NEB: variants seen among roughly 807,000 people sequenced by gnomAD.
NEB encodes nebulin, also known as nemaline myopathy type 2.
A neutral mutation model predicts 952.2 loss-of-function variants in NEB; 512 were observed. The observed-to-expected ratio is 0.54, with a 90% confidence interval of 0.50 to 0.58. NEB has a LOEUF of 0.58. Ranked by LOEUF, NEB falls within the 20% of genes least tolerant of loss-of-function variation. The pLI is 0.00. For synonymous variants in NEB, 2,900 were observed against 3,149.8 expected (o/e 0.92, Z 2.66); for missense variants, 8,428 against 9,231.1 (o/e 0.91, Z 3.56).
Position 151,575,692 on chromosome 2 carries a change from T to TA in NEB, c.17013+2dup. The TA allele has an allele frequency of 6.4e-7, 1 of 1,564,218 alleles. No homozygotes were observed. Among genetic ancestry groups the TA allele is most frequent in the Non-Finnish European group, 8.8e-7 (1 of 1,134,676 alleles). On this transcript the variant is annotated splice_region_variant and intron_variant, in intron 107 of 181. Coordinates refer to ENST00000397345, the MANE Select transcript of NEB (RefSeq NM_001164508.2). ...CAAAAAGAGAGTCTGTTGTAGTACT[T>TA]ACATTGCTCACATTAAGAGCATTTG...
At chr2:151,726,448 G>C (rs1257403596) in intron 5 of NEB, among the ~76,000 whole-genome samples, 1 of 152,132 alleles carries the variant, frequency 6.6e-6, no homozygotes, top group Non-Finnish European at 1.5e-5. Flanking sequence ...AACCTCAATA[G>C]GATGCTTTTG....
At position 151,609,906 on chromosome 2, in the gene NEB, G is replaced by A; in HGVS notation, c.12233C>T (p.Thr4078Ile). The change falls in exon 81 of 182, where the codon ACT (threonine) becomes ATT (isoleucine). Residue 4078 changes from threonine (T) to isoleucine (I), a missense_variant. Coordinates refer to ENST00000397345, the MANE Select transcript of NEB (RefSeq NM_001164508.2). ...LLAKKCQTLV[T>I]DIDYRNYLHE... The stretch of plus-strand genomic sequence containing the variant: ...CAGGTAATTGCGATAATCAATGTCA[G>A]TGACCAAAGTCTGACATTTCTTGGC... 6.2e-7 allele frequency: 1 copy of A among 1,613,886 alleles called. No individual in the cohort carries two copies. The highest frequency in any genetic ancestry group is 1.3e-5 in the African/African-American group (1 of 75,036).
chr2:151,551,599 T>C (rs2095344330), intron 129 of NEB, 139 bp downstream of exon 129: 1 of 665,728 alleles, frequency 1.5e-6, no homozygotes, highest in African/African-American at 1.9e-5. Context: ...GATTATGCTC[T>C]GTGTTTTTGT....
chr2:151,690,674 A>C (rs767806979), intron 24 of NEB, 53 bp downstream of exon 24: 2 of 1,290,634 alleles, frequency 1.5e-6, no homozygotes, highest in South Asian at 2.5e-5. Flanking sequence ...CTTACATTTT[A>C]AATGAGCAAA....
intron 65 of NEB, among the ~76,000 whole-genome samples, chr2:151,633,363 G>A (rs1016683603): frequency 1.4e-5 from 2 of 145,468 alleles, no homozygotes; most frequent in South Asian, 2.1e-4. Context: ...AAGTAAAAAC[G>A]TTTCTTCCTT....
intron 107 of NEB, among the ~76,000 whole-genome samples, chr2:151,572,318 T>A (rs374918522): frequency 5.9e-5 from 9 of 151,984 alleles, no homozygotes; most frequent in African/African-American, 2.2e-4. Flanking sequence ...CAAGACTCCC[T>A]CTCAAAAAAT....
chr2:151,490,948 C>G (rs1336025782), intron 179 of NEB, among the ~76,000 whole-genome samples: 4 of 152,164 alleles, frequency 2.6e-5, no homozygotes, highest in African/African-American at 7.2e-5. Context: ...TAAAATTGCA[C>G]ATGTCAGAAT....
At chr2:151,572,075 A>G (rs1346260211) in intron 107 of NEB, among the ~76,000 whole-genome samples, 1 of 152,246 alleles carries the variant, frequency 6.6e-6, no homozygotes, top group African/African-American at 2.4e-5. Context: ...TAATCCCAGC[A>G]CTTTGGGAGG....
chr2:151,569,307 G>C lies in NEB; in HGVS notation c.17496C>G (p.Ser5832=). Residue 5832 remains serine, a synonymous_variant, in exon 110 of 182, where the codon TCC becomes TCG. Coordinates refer to ENST00000397345, the MANE Select transcript of NEB (RefSeq NM_001164508.2). ...GIGWMPNDSV[S]VNHAKHAADI... is the part of the protein sequence containing the mutation. ...CCGCGGCATGTTTGGCATGATTGAC[G>C]GACACGGAGTCATTTGGCATCCACC... 6.2e-7 allele frequency: 1 copy of C among 1,613,842 alleles called. No homozygotes were observed. Among genetic ancestry groups the C allele is most frequent in the Non-Finnish European group, 8.5e-7 (1 of 1,179,814 alleles).
intron 142 of NEB, chr2:151,534,108 A>G (rs2092539148): frequency 8.4e-6 from 7 of 832,268 alleles, no homozygotes; most frequent in Middle Eastern, 3.3e-4. Context: ...GAACAACCCA[A>G]TATCATAGGC....
Position 151,493,349 on chromosome 2 carries a change from A to AT in NEB, c.24765+3dup. 1 of 1,601,882 alleles carries AT rather than the reference A, an allele frequency of 6.2e-7. No individual in the cohort carries two copies. The highest frequency in any genetic ancestry group is 8.6e-7 in the Non-Finnish European group (1 of 1,169,508). ...CACTATTTCTTTTTAGTCCTAGAAA[A>AT]TACCGAGCTAATGTTTTCTTGGTTG... is the stretch of plus-strand genomic sequence containing the variant. On this transcript the variant is annotated splice_donor_region_variant and intron_variant, in intron 176 of 181. Transcript: ENST00000397345.
At position 151,656,390 on chromosome 2, in the gene NEB, T is replaced by C; in HGVS notation, c.6258A>G (p.Lys2086=). Residue 2086 remains lysine, a synonymous_variant, in exon 49 of 182, where the codon AAA becomes AAG. Coordinates refer to ENST00000397345, the MANE Select transcript of NEB (RefSeq NM_001164508.2). Reference sequence around the variant, plus strand: ...TAGCCACTTGCATGGAATGGACTAATTTGGGATCATCCTCGAGACTGCGGA... The same window carrying C: ...TAGCCACTTGCATGGAATGGACTAACTTGGGATCATCCTCGAGACTGCGGA... ...VGFRSLEDDP[K]LVHSMQVAKM... 1 of 1,613,704 alleles carries C rather than the reference T, an allele frequency of 6.2e-7. No individual in the cohort carries two copies. Among genetic ancestry groups the C allele is most frequent in the East Asian group, 2.2e-5 (1 of 44,882 alleles).
At chr2:151,649,152 T>G (rs2098999967) in intron 54 of NEB, among the ~76,000 whole-genome samples, 2 of 152,252 alleles carry the variant, frequency 1.3e-5, no homozygotes, top group African/African-American at 4.8e-5. Context: ...ATTTGTTGTT[T>G]TCTCATTTTG....
At chr2:151,695,165 A>G (rs1269863690) in intron 18 of NEB, among the ~76,000 whole-genome samples, 2 of 152,298 alleles carry the variant, frequency 1.3e-5, no homozygotes, top group African/African-American at 2.4e-5. Flanking sequence ...AATCCCCTAT[A>G]TCTTTATTCA....
At chr2:151,721,741 G>A (rs2099774753) in intron 9 of NEB, among the ~76,000 whole-genome samples, 1 of 152,084 alleles carries the variant, frequency 6.6e-6, no homozygotes, top group Admixed American at 6.6e-5. Context: ...AATAACTATT[G>A]ATCACTTGGT....
intron 54 of NEB, among the ~76,000 whole-genome samples, chr2:151,648,527 T>C (rs1431133691): frequency 6.6e-6 from 1 of 152,204 alleles, no homozygotes; most frequent in Non-Finnish European, 1.5e-5. Flanking sequence ...AGTGCATCCA[T>C]CACTGGAGCA....
Position 151,577,503 on chromosome 2 carries a change from A to G in NEB, c.16705-1149T>C, listed in dbSNP as rs140271590. Among the ~76,000 whole-genome samples, 218 of 152,200 alleles carry G rather than the reference A, an allele frequency of 1.4e-3. 1 individual carries two copies. The highest frequency in any genetic ancestry group is 5.0e-3 in the African/African-American group (209 of 41,522). On this transcript the variant is annotated intron_variant, in intron 105 of 181. Transcript: ENST00000397345. ...CTTCATAGCACCATGGATCACTCTCAGCCATTCCATTTTTATTCTTTAATG... is the reference window on the plus strand; with the variant it reads ...CTTCATAGCACCATGGATCACTCTCGGCCATTCCATTTTTATTCTTTAATG...
chr2:151,714,746 T>C (rs959290562), intron 10 of NEB, among the ~76,000 whole-genome samples: 1 of 152,184 alleles, frequency 6.6e-6, no homozygotes, highest in Admixed American at 6.5e-5. Flanking sequence ...TATTTTTTTA[T>C]ACTTTAAGTT....
At chr2:151,555,202 G>C (rs1260300301) in intron 124 of NEB, among the ~76,000 whole-genome samples, 158 bp from the exon 125 acceptor site, 1 of 152,178 alleles carries the variant, frequency 6.6e-6, no homozygotes, top group Non-Finnish European at 1.5e-5. Flanking sequence ...TGTACAGAGA[G>C]ATACAGCAGT....
Sources: allele counts gnomAD v4.1 joint callset (sites outside exome capture counted in the v4.1 genomes callset), GRCh38; gene constraint gnomAD v4.1.1; transcripts MANE v1.5; gene names NCBI Gene and HGNC (gene_info 2026-07-23, HGNC 2026-07-21).